Variants in THADA observed in about 807,000 individuals in gnomAD.
THADA encodes THADA armadillo repeat containing, also known as tRNA (32-2'-O)-methyltransferase regulator THADA.
A neutral mutation model predicts 219.8 loss-of-function variants in THADA; 213 were observed. The observed-to-expected ratio is 0.97, with a 90% CI of 0.87 to 1.09. The LOEUF (loss-of-function observed/expected upper bound fraction) is 1.09. Ranked by LOEUF, THADA falls within the 50% of genes least tolerant of loss-of-function variation. The pLI, the probability that THADA is intolerant of heterozygous loss-of-function variation, is 0.00. For missense variants in THADA, 2,956 were observed against 2,311.3 expected (o/e 1.28, Z -5.72); for synonymous variants, 1,018 against 828.9 (o/e 1.23, Z -3.92).
chr2:43,541,119 G>T lies in THADA; in HGVS notation c.3264+40C>A. 5 of 1,457,202 alleles carry T rather than the reference G, an allele frequency of 3.4e-6. No individual in the cohort carries two copies. In the South Asian group the frequency reaches 6.0e-5, roughly 18 times the overall value. The allele number at this position is 1,457,202 out of a possible 1,614,324, so 90.3% of individuals were successfully genotyped here. A position where few individuals can be genotyped will look rare whatever the true frequency, so the allele number is the denominator to read the frequency against. On this transcript the variant is annotated intron_variant, in intron 21 of 37. Transcript: ENST00000405975. ...TAAAAAAAAAAGTGATTTATGCGTT[G>T]ACCAGAAATTATACATGGTGGAATA...
chr2:43,477,017 T>C (rs1685631933), intron 26 of THADA, among the ~76,000 whole-genome samples: 1 of 152,194 alleles, frequency 6.6e-6, no homozygotes, highest in Non-Finnish European at 1.5e-5. Flanking sequence ...CTATTTTACA[T>C]TTTTATCTGA....
chr2:43,508,569 TCA>T (rs1689992146), intron 23 of THADA, 77 bp downstream of exon 23: 3 of 1,425,732 alleles, frequency 2.1e-6, no homozygotes, highest in Non-Finnish European at 2.8e-6. Flanking sequence ...ATACGCTCAC[TCA>T]CACGTCAAAC....
At chr2:43,585,474 T>C (rs977067302) in intron 7 of THADA, among the ~76,000 whole-genome samples, 2 of 151,096 alleles carry the variant, frequency 1.3e-5, no homozygotes, top group Non-Finnish European at 2.9e-5. Context: ...GCCAAGATTG[T>C]ACCACTGTAC....
At chr2:43,483,690 T>C (rs1686527542) in intron 26 of THADA, among the ~76,000 whole-genome samples, 1 of 151,892 alleles carries the variant, frequency 6.6e-6, no homozygotes, top group Admixed American at 6.6e-5. Flanking sequence ...CTATTCTTCC[T>C]CCCTCAGATA....
chr2:43,334,280 C>T (rs12468506), intron 30 of THADA, among the ~76,000 whole-genome samples: 28,155 of 151,690 alleles, frequency 0.19, 3,435 homozygotes, highest in Non-Finnish European at 0.27. Context: ...GAGAAGCAGA[C>T]GAGGCACACA....
Position 43,385,352 on chromosome 2 carries a change from AT to A in THADA, c.4227+12618del, listed in dbSNP as rs1401605425. ...CTGGGTGCGGTGGCTCATGCCTGTA[AT>A]CCCAGCACTTTGGGAGGCCGAGGCA... On this transcript the variant is annotated intron_variant, in intron 29 of 37. Transcript: ENST00000405975. 1.1e-4 allele frequency among the ~76,000 whole-genome samples: 17 copies of A among 152,234 alleles called. No individual in the cohort carries two copies. The East Asian group carries it at 3.1e-3, about 28-fold the overall frequency.
intron 31 of THADA, among the ~76,000 whole-genome samples, chr2:43,311,060 CAGCT>C (rs1677447947): frequency 6.6e-6 from 1 of 152,080 alleles, no homozygotes; most frequent in Non-Finnish European, 1.5e-5. Context: ...CCTGTAATCC[CAGCT>C]ACTTGGGAGG....
intron 21 of THADA, among the ~76,000 whole-genome samples, chr2:43,538,779 T>C (rs2103799591): frequency 6.6e-6 from 1 of 152,180 alleles, no homozygotes; most frequent in East Asian, 1.9e-4. Flanking sequence ...GATAATATCA[T>C]CTCTATGATC....
chr2:43,508,703 G>A lies in THADA; in HGVS notation c.3452C>T (p.Pro1151Leu). The A allele has an allele frequency of 6.2e-7, 1 of 1,613,674 alleles. No individual in the cohort carries two copies. Among genetic ancestry groups the A allele is most frequent in the Non-Finnish European group, 8.5e-7 (1 of 1,179,726 alleles). The part of the protein sequence containing the change: ...SVLEEIKCSD[P>L]SSKLCATRRS... ...CCTTGTAGCACAGAGTTTAGATGAA[G>A]GATCACTGCATTTAATTTCCTCTAA... The change falls in exon 23 of 38, where the codon CCT becomes CTT. Residue 1151 changes from proline (P) to leucine (L), a missense_variant. By Grantham distance (98) the Pro-to-Leu change is moderately conservative. Coordinates refer to ENST00000405975, the MANE Select transcript of THADA (RefSeq NM_022065.5).
chr2:43,286,833 C>A, intron 35 of THADA, 75 bp downstream of exon 35: 1 of 1,545,164 alleles, frequency 6.5e-7, no homozygotes, highest in East Asian at 2.3e-5. Flanking sequence ...TTCACCTTCC[C>A]TTTTTTTAGG....
intron 26 of THADA, among the ~76,000 whole-genome samples, chr2:43,434,342 C>T (rs1386070566): frequency 6.6e-6 from 1 of 152,188 alleles, no homozygotes; most frequent in Non-Finnish European, 1.5e-5. Flanking sequence ...AGGAGAAGGG[C>T]TGGTTCCTGG....
chr2:43,567,842 C>T (rs1347334373), intron 14 of THADA, among the ~76,000 whole-genome samples: 3 of 152,244 alleles, frequency 2.0e-5, no homozygotes, highest in African/African-American at 7.2e-5. Context: ...CCCAGTGAAG[C>T]TTCCAAATCC....
chr2:43,556,182 A>G (rs1697319544), intron 17 of THADA, 163 bp downstream of exon 17: 1 of 1,369,456 alleles, frequency 7.3e-7, no homozygotes, highest in Admixed American at 2.9e-5. Flanking sequence ...ATTATAGCTG[A>G]CTAAAATGTT....
intron 8 of THADA, among the ~76,000 whole-genome samples, chr2:43,580,024 C>CTTTTTT (rs34171011): frequency 6.8e-4 from 84 of 122,794 alleles, no homozygotes; most frequent in East Asian, 9.2e-4. Flanking sequence ...AAAGCTACTT[C>CTTTTTT]TTTTTTTTTT....
chr2:43,424,061 A>G (rs1678089388), intron 28 of THADA, among the ~76,000 whole-genome samples: 1 of 152,204 alleles, frequency 6.6e-6, no homozygotes, highest in African/African-American at 2.4e-5. Context: ...CATAAAATAC[A>G]CTGGATTTTT....
chr2:43,583,977 T>C (rs1263592749), intron 7 of THADA, among the ~76,000 whole-genome samples: 1 of 146,260 alleles, frequency 6.8e-6, no homozygotes, highest in Non-Finnish European at 1.5e-5. Flanking sequence ...GAGGCAGAGA[T>C]TGCAGTGAGC....
intron 29 of THADA, among the ~76,000 whole-genome samples, chr2:43,363,134 T>C (rs1224020124): frequency 2.0e-5 from 3 of 152,250 alleles, no homozygotes; most frequent in Non-Finnish European, 1.5e-5. Context: ...ATCAGGAATA[T>C]ACTCTAAAGT....
chr2:43,526,687 C>A (rs1176817874), intron 22 of THADA, among the ~76,000 whole-genome samples: 1 of 152,148 alleles, frequency 6.6e-6, no homozygotes, highest in East Asian at 1.9e-4. Context: ...CTGTATACAG[C>A]CAGTGTTGGT....
intron 29 of THADA, among the ~76,000 whole-genome samples, chr2:43,364,325 C>G (rs949229298): frequency 6.6e-5 from 10 of 152,160 alleles, no homozygotes; most frequent in African/African-American, 2.4e-4. Flanking sequence ...TTGACTTCTC[C>G]TAACTCAAAT....
Sources: allele counts gnomAD v4.1 joint callset (sites outside exome capture counted in the v4.1 genomes callset), GRCh38; gene constraint gnomAD v4.1.1; transcripts MANE v1.5; gene names NCBI Gene and HGNC (gene_info 2026-07-23, HGNC 2026-07-21).